C17orf113: variants seen among roughly 807,000 people sequenced by gnomAD.
C17orf113 encodes chromosome 17 open reading frame 113.
In C17orf113, 5 loss-of-function variants were observed where a neutral mutation model predicts 11.6. The ratio of observed to expected loss-of-function variants is 0.43; its 90% CI spans 0.23 to 0.91. The LOEUF is 0.91. Among genes scored for constraint, C17orf113 ranks in the 40% least tolerant of loss-of-function variants. C17orf113 has a pLI of 0.26. For synonymous variants in C17orf113, 327 were observed against 390.6 expected (o/e 0.84, Z 1.92); for missense variants, 714 against 841.3 (o/e 0.85, Z 1.87).
At chr17:42,048,797 G>A (rs1357804059) in intron 1 of C17orf113, among the ~76,000 whole-genome samples, 9 of 152,004 alleles carry the variant, frequency 5.9e-5, no homozygotes, top group African/African-American at 1.9e-4. Flanking sequence ...TTGCCTGGAC[G>A]AGTGCAGTTG....
chr17:42,040,517 C>T lies in C17orf113; in HGVS notation c.1216G>A (p.Asp406Asn). The change falls in exon 3 of 3, where the codon GAT becomes AAT. Residue 406 changes from aspartate (D) to asparagine (N), a missense_variant. By Grantham distance (23) the Asp-to-Asn change is conservative (BLOSUM62 1). Around this residue, in one of 3 missense-constraint regions of C17orf113, gnomAD observed 516 missense variants for 626.6 expected, o/e 0.82. Transcript: ENST00000587304. Reference sequence around the variant, plus strand: ...AGCTTCTGCACAGAGGGCAGGGCATCCAGCAGCAGGTGGGTGAAGGCCACG... The same window carrying T: ...AGCTTCTGCACAGAGGGCAGGGCATTCAGCAGCAGGTGGGTGAAGGCCACG... The part of the protein sequence containing the change: ...TFVAFTHLLL[D>N]ALPSVQKLSL... 8.1e-7 allele frequency: 1 copy of T among 1,232,836 alleles called. No homozygotes were observed. 76.4% of individuals were successfully genotyped at this position (1,232,836 alleles called of 1,614,324 possible). A position where few individuals can be genotyped will look rare whatever the true frequency, so the allele number is the denominator to read the frequency against.
In C17orf113 at chr17:42,040,041, A is replaced by T. The variant is rs1393283773; in HGVS notation, c.1692T>A (p.Phe564Leu). ...GCCCAAGGCCGAATACTACGCGCTT[A>T]AACAGCGCGAAGTCGCCCAGCGCCC... ...RQRALGDFAL[F>L]KRVVFGLGRL... Residue 564 changes from phenylalanine (F) to leucine (L), a missense_variant, in exon 3 of 3, where the codon TTT becomes TTA. Physicochemically the swap from Phe to Leu is conservative, Grantham distance 22. Coordinates refer to ENST00000587304, the MANE Select transcript of C17orf113 (RefSeq NM_001358661.2). The T allele has an allele frequency of 8.1e-7, 1 of 1,230,976 alleles. No homozygotes were observed. The highest frequency in any genetic ancestry group is 1.6e-5 in the African/African-American group (1 of 64,386). The allele number at this position is 1,230,976 out of a possible 1,614,324, so 76.3% of individuals were successfully genotyped here. A position where few individuals can be genotyped will look rare whatever the true frequency, so the allele number is the denominator to read the frequency against.
intron 1 of C17orf113, among the ~76,000 whole-genome samples, chr17:42,047,278 C>T (rs916984269): frequency 1.1e-4 from 16 of 152,172 alleles, no homozygotes; most frequent in Admixed American, 2.6e-4. Context: ...GTGATCCGCC[C>T]GCTTCAGCCT....
chr17:42,044,140 T>TAAAAA (rs35206698), intron 1 of C17orf113, among the ~76,000 whole-genome samples: 6 of 83,592 alleles, frequency 7.2e-5, no homozygotes, highest in African/African-American at 1.4e-4. Flanking sequence ...ACCCCATCTC[T>TAAAAA]AAAAAAAAAA....
rs2052962056 is a variant in C17orf113, at chr17:42,039,785, G to A, written c.1948C>T (p.His650Tyr). 3 of 1,232,330 alleles carry A rather than the reference G, an allele frequency of 2.4e-6. No individual in the cohort carries two copies. Among genetic ancestry groups the A allele is most frequent in the East Asian group, 3.2e-5 (1 of 31,686 alleles). The allele number at this position is 1,232,330 out of a possible 1,614,324, so 76.3% of individuals were successfully genotyped here. A position where few individuals can be genotyped will look rare whatever the true frequency, so the allele number is the denominator to read the frequency against. Residue 650 changes from histidine to tyrosine, a missense_variant, in exon 3 of 3, where the codon CAC becomes TAC. Around this residue, in one of 3 missense-constraint regions of C17orf113, gnomAD observed 194 missense variants for 197.2 expected, o/e 0.98. Coordinates refer to ENST00000587304, the MANE Select transcript of C17orf113 (RefSeq NM_001358661.2). ...VKIAVDGPPL[H>Y]EFDFGLAVEF... ...ACAGCCAACCCGAAGTCAAACTCGTGCAGCGGGGGCCCATCCACTGCGATC... is the reference window on the plus strand; with the variant it reads ...ACAGCCAACCCGAAGTCAAACTCGTACAGCGGGGGCCCATCCACTGCGATC...
chr17:42,042,606 G>T (rs1037198681), intron 2 of C17orf113, among the ~76,000 whole-genome samples: 1 of 152,304 alleles, frequency 6.6e-6, no homozygotes, highest in South Asian at 2.1e-4. Flanking sequence ...GCAGTGAGAA[G>T]AGTGCCCCTG....
Position 42,039,733 on chromosome 17 carries a change from T to C in C17orf113, c.2000A>G (p.Glu667Gly). Residue 667 changes from glutamate (E) to glycine (G), a missense_variant, in exon 3 of 3, where the codon GAG (glutamate) becomes GGG (glycine). Transcript: ENST00000587304. ...AVEFLESGWG[E>G]GFLGSQLT ...GGTGAGCTGCGACCCCAGGAAGCCC[T>C]CTCCCCACCCACTCTCTAAGAACTC... The C allele has an allele frequency of 1.6e-6, 2 of 1,232,410 alleles. No homozygotes were observed. The allele number at this position is 1,232,410 out of a possible 1,614,324, so 76.3% of individuals were successfully genotyped here.
In C17orf113 at chr17:42,043,248, C is replaced by T; in HGVS notation, c.129G>A (p.Met43Ile). 8.1e-7 allele frequency: 1 copy of T among 1,232,278 alleles called. No individual in the cohort carries two copies. Among genetic ancestry groups the T allele is most frequent in the Non-Finnish European group, 1.0e-6 (1 of 988,022 alleles). The allele number at this position is 1,232,278 out of a possible 1,614,324, so 76.3% of individuals were successfully genotyped here. A position where few individuals can be genotyped will look rare whatever the true frequency, so the allele number is the denominator to read the frequency against. Reference sequence around the variant, plus strand: ...GGGCCTGGCGGCACTCGAGGCAGAACATCAGCTTCCGCTCATAGTCAAAGT... The same window carrying T: ...GGGCCTGGCGGCACTCGAGGCAGAATATCAGCTTCCGCTCATAGTCAAAGT... Reference protein sequence around the residue: ...WLDFDYERKLMFCLECRQALV... With the variant: ...WLDFDYERKLIFCLECRQALV... The change falls in exon 2 of 3, where the codon ATG becomes ATA. Residue 43 changes from methionine (M) to isoleucine (I), a missense_variant. This residue lies in a region of C17orf113 where 516 missense variants were observed against 626.6 expected (regional missense o/e 0.82). Transcript: ENST00000587304.
In C17orf113 at chr17:42,040,475, C is replaced by T. The variant is rs535884069; in HGVS notation, c.1258G>A (p.Ala420Thr). ...SVQKLSLVLQ[A>T]EEPDLALLQP... ...AGCAAGGCCAAGTCCGGCTCTTCTG[C>T]CTGCAGGACAAGGGAGAGCTTCTGC... The change falls in exon 3 of 3, where the codon GCA becomes ACA. Residue 420 changes from alanine (A) to threonine (T), a missense_variant. Coordinates refer to ENST00000587304, the MANE Select transcript of C17orf113 (RefSeq NM_001358661.2). 1.1e-5 allele frequency: 13 copies of T among 1,232,124 alleles called. No homozygotes were observed. Among genetic ancestry groups the T allele is most frequent in the Non-Finnish European group, 1.2e-5 (12 of 988,032 alleles). 76.3% of individuals were successfully genotyped at this position (1,232,124 alleles called of 1,614,324 possible). A position where few individuals can be genotyped will look rare whatever the true frequency, so the allele number is the denominator to read the frequency against.
At chr17:42,048,152 A>G (rs2143730269) in intron 1 of C17orf113, among the ~76,000 whole-genome samples, 1 of 152,204 alleles carries the variant, frequency 6.6e-6, no homozygotes, top group African/African-American at 2.4e-5. Context: ...GACCACTGGG[A>G]AATACACAAA....
intron 1 of C17orf113, among the ~76,000 whole-genome samples, chr17:42,047,215 G>T (rs1446483045): frequency 6.6e-6 from 1 of 152,074 alleles, no homozygotes; most frequent in Non-Finnish European, 1.5e-5. Context: ...TGTATTTTTA[G>T]TAGAGACAGG....
chr17:42,038,269 C>G lies in C17orf113; in HGVS notation c.*1436G>C, dbSNP rs1555655695. On this transcript the variant is annotated 3_prime_UTR_variant, in exon 3 of 3. Transcript: ENST00000587304. ...ATTCCATTTTATTGCAAATTAAACT[C>G]AAACCCAGGGGTATTAGGAAAAGGC... The G allele has an allele frequency of 5.5e-6, 3 of 549,572 alleles. No homozygotes were observed. Among genetic ancestry groups the G allele is most frequent in the Non-Finnish European group, 9.5e-6 (3 of 314,428 alleles). The allele number at this position is 549,572 out of a possible 1,614,324, so 34.0% of individuals were successfully genotyped here.
rs35206698 is a variant in C17orf113, at chr17:42,044,140, T to TA, written c.-187-578dup. On this transcript the variant is annotated intron_variant, in intron 1 of 2. Coordinates refer to ENST00000587304, the MANE Select transcript of C17orf113 (RefSeq NM_001358661.2). ...GGGCAACATGGCAAAACCCCATCTC[T>TA]AAAAAAAAAAAAAAAAAAAAAAATT... Among the ~76,000 whole-genome samples, 207 of 83,592 alleles carry TA rather than the reference T, an allele frequency of 2.5e-3. 4 individuals are homozygous for TA. The highest frequency in any genetic ancestry group is 0.018 in the South Asian group (38 of 2,092). 54.8% of individuals were successfully genotyped at this position (83,592 alleles called of 152,430 possible).
In C17orf113 at chr17:42,038,391, G is replaced by C; in HGVS notation, c.*1314C>G. ...GACAGGAGGGAATGGGAAACCCATG[G>C]GCTCTGAAGGGATGTGCTCCCCAGC... On this transcript the variant is annotated 3_prime_UTR_variant, in exon 3 of 3. Coordinates refer to ENST00000587304, the MANE Select transcript of C17orf113 (RefSeq NM_001358661.2). The C allele has an allele frequency of 3.1e-6, 1 of 320,018 alleles. No homozygotes were observed. The allele number at this position is 320,018 out of a possible 1,614,324, so 19.8% of individuals were successfully genotyped here.
intron 2 of C17orf113, among the ~76,000 whole-genome samples, chr17:42,041,853 G>A (rs145573097): frequency 2.0e-5 from 3 of 152,140 alleles, no homozygotes; most frequent in Non-Finnish European, 4.4e-5. Context: ...GGGGCCATGT[G>A]AGTGATATTG....
rs1488259384 is a variant in C17orf113, at chr17:42,050,598, C to T, written c.-229G>A. The T allele has an allele frequency of 7.2e-5, 11 of 152,108 alleles. No homozygotes were observed. The highest frequency in any genetic ancestry group is 2.4e-4 in the African/African-American group (10 of 41,450). The allele number at this position is 152,108 out of a possible 1,614,324, so 9.4% of individuals were successfully genotyped here. A position where few individuals can be genotyped will look rare whatever the true frequency, so the allele number is the denominator to read the frequency against. On this transcript the variant is annotated 5_prime_UTR_variant, in exon 1 of 3. Coordinates refer to ENST00000587304, the MANE Select transcript of C17orf113 (RefSeq NM_001358661.2). This position sits in a 1 kb window ranked among gnomAD's most constrained non-coding sequence, Gnocchi z 5.6. ...CCATCTTGGGCGGTGGACGCTCTGG[C>T]CGCGGTCTCCTTGGGCTCCACGGAG...
intron 1 of C17orf113, among the ~76,000 whole-genome samples, chr17:42,044,338 C>T (rs1405779141): frequency 5.5e-5 from 8 of 144,490 alleles, no homozygotes; most frequent in Non-Finnish European, 7.5e-5. Context: ...AAAAGACGGC[C>T]GGGTGGGGTG....
In C17orf113 at chr17:42,043,152, G is replaced by T. The variant is rs1028908991; in HGVS notation, c.225C>A (p.Ala75=). The part of the protein sequence containing the change: ...TVGTDNFQRH[A]LLRHVTSGAH... ...CTCCTGAGGTCACGTGGCGCAGCAG[G>T]GCGTGGCGCTGGAAGTTGTCTGTGC... is the stretch of plus-strand genomic sequence containing the variant. The change falls in exon 2 of 3, where the codon GCC becomes GCA. Residue 75 remains alanine, a synonymous_variant. Transcript: ENST00000587304. 1.6e-6 allele frequency: 2 copies of T among 1,232,174 alleles called. No homozygotes were observed. The highest frequency in any genetic ancestry group is 1.0e-6 in the Non-Finnish European group (1 of 988,002). 76.3% of individuals were successfully genotyped at this position (1,232,174 alleles called of 1,614,324 possible). A position where few individuals can be genotyped will look rare whatever the true frequency, so the allele number is the denominator to read the frequency against.
At chr17:42,042,359 T>C (rs1555656215) in intron 2 of C17orf113, among the ~76,000 whole-genome samples, 1 of 152,102 alleles carries the variant, frequency 6.6e-6, no homozygotes, top group East Asian at 1.9e-4. Context: ...CCGTCTCTAC[T>C]AAAAATACAA....
Sources: gnomAD v4.1 joint callset for allele counts (sites outside exome capture counted in the v4.1 genomes callset) on GRCh38, gnomAD v4.1.1 for gene constraint, gnomAD v4.1.1 regional missense constraint, Gnocchi (gnomAD v3.1) non-coding constraint, MANE v1.5 for transcripts, NCBI Gene and HGNC (gene_info 2026-07-23, HGNC 2026-07-21) for gene names.